Variants in SLC24A2 observed in about 807,000 individuals in gnomAD.
SLC24A2 encodes the protein solute carrier family 24 member 2, also known as sodium/potassium/calcium exchanger 2.
Under a neutral mutation model 62.0 loss-of-function variants are expected in SLC24A2, and 36 were observed. The observed-to-expected ratio is 0.58, with a 90% CI of 0.44 to 0.77. The LOEUF (loss-of-function observed/expected upper bound fraction) is 0.77. Ranked by LOEUF, SLC24A2 falls within the 30% of genes least tolerant of loss-of-function variation. The pLI is 0.00. For missense variants in SLC24A2, 846 were observed against 817.9 expected, an observed-to-expected ratio of 1.03 and a Z score of -0.42; for synonymous variants, 358 against 294.0, an observed-to-expected ratio of 1.22 and a Z score of -2.23.
At chr9:20,034,675 A>G in the SLC24A2 span, among the ~76,000 whole-genome samples, 1 of 151,966 alleles carries the variant, frequency 6.6e-6, no homozygotes, top group African/African-American at 2.4e-5. Flanking sequence ...TCACCGTGTT[A>G]GCCAGGATGG....
At chr9:19,964,103 G>C in the SLC24A2 span, among the ~76,000 whole-genome samples, 1 of 151,484 alleles carries the variant, frequency 6.6e-6, no homozygotes, top group Admixed American at 6.6e-5. Context: ...ATCATACTCA[G>C]TAAACTATCG....
At chr9:20,253,347 C>A in the SLC24A2 span, among the ~76,000 whole-genome samples, 2 of 152,316 alleles carry the variant, frequency 1.3e-5, no homozygotes, top group East Asian at 3.9e-4. Flanking sequence ...GCACTTTGAG[C>A]TCAACAGATG....
At chr9:19,520,370 G>A (rs1310401758) in intron 10 of SLC24A2, among the ~76,000 whole-genome samples, 2 of 152,114 alleles carry the variant, frequency 1.3e-5, no homozygotes, top group African/African-American at 4.8e-5. Context: ...TATAAGAACA[G>A]GTCTCACCTT....
the SLC24A2 span, among the ~76,000 whole-genome samples, chr9:20,083,871 T>A: frequency 6.6e-6 from 1 of 152,202 alleles, no homozygotes; most frequent in Non-Finnish European, 1.5e-5. Context: ...ACCTACCAAT[T>A]GATGCACAGG....
the SLC24A2 span, among the ~76,000 whole-genome samples, chr9:20,071,019 A>G: frequency 6.6e-6 from 1 of 152,028 alleles, no homozygotes; most frequent in African/African-American, 2.4e-5. Context: ...AGTTCTTGTG[A>G]GATGTTATTT....
chr9:19,990,922 G>GATAT, the SLC24A2 span, among the ~76,000 whole-genome samples: 20 of 120,812 alleles, frequency 1.7e-4, 1 homozygote, highest in African/African-American at 3.6e-4. Context: ...GGACTAATAG[G>GATAT]ATATATATAT....
chr9:20,256,951 T>TACACACAC, the SLC24A2 span, among the ~76,000 whole-genome samples: 9 of 144,092 alleles, frequency 6.2e-5, no homozygotes, highest in African/African-American at 2.1e-4. Flanking sequence ...CACACACACT[T>TACACACAC]GCCTAAAGTG....
At chr9:20,049,020 G>A in the SLC24A2 span, among the ~76,000 whole-genome samples, 1 of 152,178 alleles carries the variant, frequency 6.6e-6, no homozygotes, top group East Asian at 1.9e-4. Flanking sequence ...CCATGTTGGT[G>A]TGCTGCACCC....
At chr9:20,130,353 G>C in the SLC24A2 span, among the ~76,000 whole-genome samples, 1 of 151,906 alleles carries the variant, frequency 6.6e-6, no homozygotes, top group Non-Finnish European at 1.5e-5. Context: ...TAGATGGCAC[G>C]ATGGAAAATA....
chr9:19,887,947 A>C, the SLC24A2 span, among the ~76,000 whole-genome samples: 61,273 of 152,056 alleles, frequency 0.4, 13,034 homozygotes, highest in East Asian at 0.88. Context: ...GTGGGAGCTA[A>C]GGTATGAGGA....
At chr9:19,963,522 G>GA in the SLC24A2 span, among the ~76,000 whole-genome samples, 12 of 151,848 alleles carry the variant, frequency 7.9e-5, no homozygotes, top group East Asian at 2.1e-3. Flanking sequence ...AAATTTACAA[G>GA]AAAAAAACAA....
chr9:20,217,132 A>G, the SLC24A2 span, among the ~76,000 whole-genome samples: 2 of 152,218 alleles, frequency 1.3e-5, no homozygotes, highest in Non-Finnish European at 2.9e-5. Context: ...ATACCGTACA[A>G]CAATAAGAAT....
At chr9:19,518,064 C>A (rs1370448271) in intron 10 of SLC24A2, among the ~76,000 whole-genome samples, 1 of 151,826 alleles carries the variant, frequency 6.6e-6, no homozygotes, top group East Asian at 1.9e-4. Context: ...TTAATTCTAT[C>A]GTCAAGAATT....
the SLC24A2 span, among the ~76,000 whole-genome samples, chr9:19,932,423 T>C: frequency 1.3e-5 from 2 of 152,226 alleles, no homozygotes; most frequent in African/African-American, 4.8e-5. Context: ...ATTATGAGCC[T>C]GAATTAATAA....
the SLC24A2 span, among the ~76,000 whole-genome samples, chr9:19,826,847 G>C: frequency 6.6e-6 from 1 of 152,114 alleles, no homozygotes; most frequent in Non-Finnish European, 1.5e-5. Context: ...AGAGATTCAG[G>C]GCAGATTGTG....
At chr9:19,517,815 A>G (rs1200806323) in intron 10 of SLC24A2, among the ~76,000 whole-genome samples, 2 of 151,796 alleles carry the variant, frequency 1.3e-5, no homozygotes, top group Admixed American at 6.6e-5. Context: ...AGTGGGGGTG[A>G]TGGCAAACTG....
At chr9:20,071,300 C>T in the SLC24A2 span, among the ~76,000 whole-genome samples, 2 of 152,250 alleles carry the variant, frequency 1.3e-5, no homozygotes, top group South Asian at 4.1e-4. Context: ...GCAGACAGAA[C>T]TGAGATATTG....
intron 2 of SLC24A2, among the ~76,000 whole-genome samples, chr9:19,681,483 T>C (rs1819721242): frequency 6.6e-6 from 1 of 152,062 alleles, no homozygotes; most frequent in African/African-American, 2.4e-5. Context: ...CAGAATGTAA[T>C]CTCCACAAGG....
chr9:19,650,959 A>G (rs1818784816), intron 2 of SLC24A2, among the ~76,000 whole-genome samples: 1 of 152,074 alleles, frequency 6.6e-6, no homozygotes, highest in Non-Finnish European at 1.5e-5. Flanking sequence ...ATTTGAAGAG[A>G]TCTCATAGTT....
Sources: allele counts gnomAD v4.1 joint callset (sites outside exome capture counted in the v4.1 genomes callset), GRCh38; gene constraint gnomAD v4.1.1; transcripts MANE v1.5; gene names NCBI Gene and HGNC (gene_info 2026-07-23, HGNC 2026-07-21).